The following CRAMP1 variants were observed in gnomAD, a reference collection of about 807,000 sequenced individuals.
CRAMP1 encodes the protein protein cramped-like.
A neutral mutation model predicts 115.4 loss-of-function variants in CRAMP1; 50 were observed. The observed-to-expected ratio is 0.43, with a 90% CI of 0.35 to 0.55. CRAMP1 has a LOEUF of 0.55. Ranked by LOEUF, CRAMP1 falls within the 20% of genes least tolerant of loss-of-function variation. CRAMP1 has a pLI of 0.01. For missense variants in CRAMP1, 1,679 were observed against 1,721.7 expected (o/e 0.98, Z 0.44); for synonymous variants, 866 against 745.4 (o/e 1.16, Z -2.64).
At position 1,612,409 on chromosome 16, in the gene CRAMP1, C is replaced by A. The variant is rs1596477562; in HGVS notation, c.-250C>A. The A allele has an allele frequency of 6.6e-6, 1 of 151,134 alleles. No homozygotes were observed. Among genetic ancestry groups the A allele is most frequent in the East Asian group, 1.9e-4 (1 of 5,170 alleles). 9.4% of individuals were successfully genotyped at this position (151,134 alleles called of 1,614,324 possible). On this transcript the variant is annotated 5_prime_UTR_variant, in exon 1 of 21. Transcript: ENST00000397412. The stretch of plus-strand genomic sequence containing the variant: ...CGGAACTGCTGCTGAGGGCGGCGGG[C>A]CGGCTTCGCTAGGGTGAGTGGCGGC...
chr16:1,623,567 G>C (rs1269087138), intron 2 of CRAMP1, among the ~76,000 whole-genome samples: 4 of 152,206 alleles, frequency 2.6e-5, no homozygotes, highest in Non-Finnish European at 5.9e-5. Context: ...CGTAACGGCA[G>C]GGCTGGTTAG....
chr16:1,646,116 C>G (rs1229970295), intron 6 of CRAMP1, among the ~76,000 whole-genome samples: 1 of 152,230 alleles, frequency 6.6e-6, no homozygotes, highest in Non-Finnish European at 1.5e-5. Context: ...CTTATACTTT[C>G]ACCTGCTGAG....
chr16:1,651,360 C>T (rs577488102), intron 6 of CRAMP1, among the ~76,000 whole-genome samples: 6 of 150,520 alleles, frequency 4.0e-5, no homozygotes, highest in South Asian at 2.1e-4. Context: ...ATTTAGGTCA[C>T]GCACAGGTCA....
At chr16:1,646,685 G>A (rs1205079076) in intron 6 of CRAMP1, among the ~76,000 whole-genome samples, 1 of 152,184 alleles carries the variant, frequency 6.6e-6, no homozygotes, top group Non-Finnish European at 1.5e-5. Context: ...GTCTGTCACT[G>A]TTTTCTTCTA....
chr16:1,624,049 G>A (rs2036487295), intron 2 of CRAMP1, among the ~76,000 whole-genome samples: 1 of 152,206 alleles, frequency 6.6e-6, no homozygotes, highest in African/African-American at 2.4e-5. Flanking sequence ...TTCAGGTGCA[G>A]CACCGTCTGG....
chr16:1,632,214 T>C lies in CRAMP1; in HGVS notation c.543T>C (p.His181=). The C allele has an allele frequency of 1.3e-6, 2 of 1,555,954 alleles. No homozygotes were observed. The highest frequency in any genetic ancestry group is 2.4e-5 in the South Asian group (2 of 84,220). The change falls in exon 4 of 21, where the codon CAT becomes CAC. Residue 181 remains histidine (H), a splice_region_variant and synonymous_variant. Coordinates refer to ENST00000397412, the MANE Select transcript of CRAMP1 (RefSeq NM_020825.4). The stretch of plus-strand genomic sequence containing the variant: ...TTATCATGGAATTTATTTTCCAGCA[T>C]GGGAAAGACTTTGAAGCGATTCAGA... ...KNTFFEGLYE[H]GKDFEAIQNN...
intron 10 of CRAMP1, 25 bp from the exon 11 acceptor site, chr16:1,659,861 A>G: frequency 1.9e-6 from 3 of 1,611,048 alleles, no homozygotes; most frequent in Middle Eastern, 1.7e-4. Context: ...GAGTTTGGAC[A>G]TTGTTTGGCC....
intron 2 of CRAMP1, among the ~76,000 whole-genome samples, chr16:1,615,807 G>T (rs1003367170): frequency 1.3e-5 from 2 of 152,082 alleles, no homozygotes; most frequent in Admixed American, 1.3e-4. Flanking sequence ...GACCATGTTC[G>T]CAGCACTTTG....
chr16:1,617,407 G>A (rs1359760997), intron 2 of CRAMP1, among the ~76,000 whole-genome samples: 1 of 152,236 alleles, frequency 6.6e-6, no homozygotes, highest in Non-Finnish European at 1.5e-5. Context: ...AGGCCAGGTG[G>A]TGGCAGTTGC....
chr16:1,667,078 C>T (rs962170935), intron 16 of CRAMP1, among the ~76,000 whole-genome samples: 2 of 152,228 alleles, frequency 1.3e-5, no homozygotes, highest in African/African-American at 4.8e-5. Flanking sequence ...GAGCCCAGCC[C>T]TGCCTGCCAC....
chr16:1,621,873 G>A (rs1451417382), intron 2 of CRAMP1, among the ~76,000 whole-genome samples: 1 of 152,048 alleles, frequency 6.6e-6, no homozygotes, highest in Non-Finnish European at 1.5e-5. Context: ...CTTTTCGCTG[G>A]GTGTCCTGCA....
intron 6 of CRAMP1, chr16:1,647,142 G>A (rs534003456): frequency 3.4e-4 from 236 of 692,910 alleles, no homozygotes; most frequent in Non-Finnish European, 5.7e-4. Context: ...TTGACTTGCT[G>A]TCGCCTCTAC....
chr16:1,669,275 G>A lies in CRAMP1; in HGVS notation c.3499+110G>A, dbSNP rs1596499484. On this transcript the variant is annotated intron_variant, in intron 19 of 20. Transcript: ENST00000397412. This position sits in a 1 kb window ranked among gnomAD's most constrained non-coding sequence, Gnocchi z 4.6. ...AAACTCCCACTAGGACTGTTGGCTT[G>A]TTCGCTTCTCAAGTGTTTGTATTTT... 1.2e-6 allele frequency: 1 copy of A among 827,750 alleles called. No individual in the cohort carries two copies. The highest frequency in any genetic ancestry group is 3.1e-5 in the East Asian group (1 of 32,704). 51.3% of individuals were successfully genotyped at this position (827,750 alleles called of 1,614,324 possible).
chr16:1,644,149 C>T (rs530520114), intron 6 of CRAMP1, among the ~76,000 whole-genome samples: 5 of 152,270 alleles, frequency 3.3e-5, no homozygotes, highest in African/African-American at 7.2e-5. Flanking sequence ...TGGGTGAGGC[C>T]GCAGCGAGAG....
intron 2 of CRAMP1, among the ~76,000 whole-genome samples, chr16:1,616,558 G>A (rs1323263012): frequency 1.3e-5 from 2 of 152,174 alleles, no homozygotes; most frequent in African/African-American, 2.4e-5. Flanking sequence ...TTAGTGATCA[G>A]GTCAATTTTT....
intron 2 of CRAMP1, among the ~76,000 whole-genome samples, chr16:1,619,557 G>T (rs551405684): frequency 1.3e-4 from 20 of 152,338 alleles, no homozygotes; most frequent in African/African-American, 4.8e-4. Context: ...TTGTAGTTTA[G>T]TTGGGATATC....
intron 20 of CRAMP1, among the ~76,000 whole-genome samples, chr16:1,673,027 G>A (rs963102887): frequency 6.0e-5 from 9 of 149,136 alleles, no homozygotes; most frequent in East Asian, 4.1e-4. Flanking sequence ...TGATGGGAAC[G>A]TGCCCTCACC....
intron 3 of CRAMP1, among the ~76,000 whole-genome samples, 185 bp downstream of exon 3, chr16:1,626,351 AT>A (rs2036508297): frequency 6.6e-6 from 1 of 152,148 alleles, no homozygotes; most frequent in Admixed American, 6.5e-5. Context: ...TTATCTCCTC[AT>A]TGAGATTTTA....
Position 1,660,066 on chromosome 16 carries a change from G to A in CRAMP1, c.2413+3G>A. 1 of 1,555,622 alleles carries A rather than the reference G, an allele frequency of 6.4e-7. No homozygotes were observed. Among genetic ancestry groups the A allele is most frequent in the Non-Finnish European group, 8.6e-7 (1 of 1,160,146 alleles). On this transcript the variant is annotated splice_donor_region_variant and intron_variant, in intron 11 of 20. Coordinates refer to ENST00000397412, the MANE Select transcript of CRAMP1 (RefSeq NM_020825.4). ...CAGCTCTGCACCCTGCTCCTCAGGT[G>A]AGGCTGTGGCAGCCACACTCCTTGT...
Sources: allele counts gnomAD v4.1 joint callset (sites outside exome capture counted in the v4.1 genomes callset), GRCh38; gene constraint gnomAD v4.1.1; non-coding constraint Gnocchi (gnomAD v3.1); transcripts MANE v1.5; gene names NCBI Gene and HGNC (gene_info 2026-07-23, HGNC 2026-07-21).